RCOR1: variants seen among roughly 807,000 people sequenced by gnomAD.
RCOR1 encodes the protein REST corepressor 1, also known as REST corepressor.
RCOR1 carries 12 observed loss-of-function variants against 64.0 expected under a neutral mutation model. The ratio of observed to expected loss-of-function variants is 0.19; its 90% CI spans 0.12 to 0.30. The LOEUF is 0.30. RCOR1 is among the 10% of genes least tolerant of loss of function. RCOR1 has a pLI of 1.00. For missense variants in RCOR1, 502 were observed against 621.2 expected (o/e 0.81, Z 2.04); for synonymous variants, 279 against 227.2 (o/e 1.23, Z -2.05).
At chr14:102,628,744 G>T (rs946642722) in intron 2 of RCOR1, among the ~76,000 whole-genome samples, 1 of 152,152 alleles carries the variant, frequency 6.6e-6, no homozygotes, top group Non-Finnish European at 1.5e-5. Flanking sequence ...AGTAGAGACG[G>T]TGTTCCACCA....
chr14:102,596,834 G>A (rs997396579), intron 2 of RCOR1, among the ~76,000 whole-genome samples: 3 of 149,942 alleles, frequency 2.0e-5, no homozygotes, highest in African/African-American at 7.4e-5. Flanking sequence ...CAAAGTGCTG[G>A]GATTACAGGC....
chr14:102,608,432 T>A (rs1461313580), intron 2 of RCOR1, among the ~76,000 whole-genome samples: 3 of 152,048 alleles, frequency 2.0e-5, no homozygotes, highest in Non-Finnish European at 4.4e-5. Flanking sequence ...TTTTTTTTGT[T>A]TTGCCTTGTT....
chr14:102,623,756 C>T (rs1020799834), intron 2 of RCOR1, among the ~76,000 whole-genome samples: 1 of 151,214 alleles, frequency 6.6e-6, no homozygotes, highest in African/African-American at 2.4e-5. Context: ...CTCAAGAAGG[C>T]TTAAGAATCC....
chr14:102,698,410 A>G (rs1220143983), intron 3 of RCOR1, among the ~76,000 whole-genome samples: 1 of 152,216 alleles, frequency 6.6e-6, no homozygotes, highest in Non-Finnish European at 1.5e-5. Context: ...CAGCCTGTGC[A>G]TGTGTTTGCT....
rs184112684 is a variant in RCOR1 at position 102,653,582 on chromosome 14, T to A, written c.362-28313T>A. ...AATCTGTGTCCCCAGCCAAATCTTG[T>A]GTCGAATTGTCATCCCCAGTGTTGG... On this transcript the variant is annotated intron_variant, in intron 2 of 11. Coordinates refer to ENST00000262241, the MANE Select transcript of RCOR1 (RefSeq NM_015156.4). 2.6e-3 allele frequency among the ~76,000 whole-genome samples: 403 copies of A among 152,270 alleles called. 3 individuals are homozygous for A. The highest frequency in any genetic ancestry group is 9.4e-3 in the African/African-American group (389 of 41,560).
At chr14:102,655,532 C>G (rs915919259) in intron 2 of RCOR1, 1 of 960,172 alleles carries the variant, frequency 1.0e-6, no homozygotes, top group Non-Finnish European at 1.2e-6. Flanking sequence ...ATTAATAGTT[C>G]AGAAAGTTGC....
At chr14:102,615,781 T>C (rs994712962) in intron 2 of RCOR1, among the ~76,000 whole-genome samples, 1 of 152,188 alleles carries the variant, frequency 6.6e-6, no homozygotes, top group Non-Finnish European at 1.5e-5. Flanking sequence ...GTTTCATTGC[T>C]ATTAAACAAG....
chr14:102,624,118 C>A (rs1893931185), intron 2 of RCOR1, among the ~76,000 whole-genome samples: 1 of 151,954 alleles, frequency 6.6e-6, no homozygotes, highest in Non-Finnish European at 1.5e-5. Flanking sequence ...ATGACATGAA[C>A]CTGGGAGGCG....
chr14:102,708,048 C>T (rs1595240400), intron 5 of RCOR1, among the ~76,000 whole-genome samples: 1 of 151,350 alleles, frequency 6.6e-6, no homozygotes, highest in South Asian at 2.1e-4. Context: ...TCACTGAAAG[C>T]TCCGCCTCCC....
chr14:102,658,794 T>A, intron 2 of RCOR1: 1 of 288,180 alleles, frequency 3.5e-6, no homozygotes, highest in Non-Finnish European at 5.2e-6. Flanking sequence ...CATTTAATTA[T>A]GATGTCTCCC....
chr14:102,651,009 G>T (rs1474138810), intron 2 of RCOR1: 1 of 911,264 alleles, frequency 1.1e-6, no homozygotes, highest in East Asian at 1.2e-4. Flanking sequence ...TAATGAGAAT[G>T]TTCTCATTTA....
intron 3 of RCOR1, among the ~76,000 whole-genome samples, chr14:102,684,695 C>T (rs377057465): frequency 4.0e-5 from 6 of 150,774 alleles, no homozygotes; most frequent in African/African-American, 9.7e-5. Context: ...AGGTGATAAT[C>T]GTTAAACATT....
chr14:102,694,929 A>G (rs1895614437), intron 3 of RCOR1, among the ~76,000 whole-genome samples: 1 of 152,254 alleles, frequency 6.6e-6, no homozygotes, highest in East Asian at 1.9e-4. Flanking sequence ...ACCTAATCCT[A>G]CAGCAAGAGT....
chr14:102,683,672 G>T (rs867020037), intron 3 of RCOR1, among the ~76,000 whole-genome samples: 1 of 152,228 alleles, frequency 6.6e-6, no homozygotes, highest in African/African-American at 2.4e-5. Context: ...CTGATGTTCC[G>T]TGCGCGAATG....
chr14:102,679,070 G>A (rs140096090), intron 2 of RCOR1, among the ~76,000 whole-genome samples: 134 of 152,282 alleles, frequency 8.8e-4, no homozygotes, highest in African/African-American at 3.2e-3. Context: ...CTTACAGTCC[G>A]TAGTGTATCT....
chr14:102,656,660 G>A (rs1436287340), intron 2 of RCOR1, among the ~76,000 whole-genome samples: 2 of 151,904 alleles, frequency 1.3e-5, no homozygotes, highest in East Asian at 1.9e-4. Flanking sequence ...GTAGAGATGG[G>A]GTTTTACCAT....
rs562783997 is a variant in RCOR1 at position 102,710,997 on chromosome 14, A to G, written c.842A>G (p.Lys281Arg). 6.2e-7 allele frequency: 1 copy of G among 1,605,384 alleles called. No individual in the cohort carries two copies. ...NPIDIEVDQN[K>R]ESKKEVPPTE... ...ATTGACATTGAGGTTGATCAAAACA[A>G]GGAAAGCAAAAAGGAGGTATTTTTT... Residue 281 changes from lysine to arginine, a missense_variant, in exon 7 of 12, where the codon AAG becomes AGG. Physicochemically the swap from Lys to Arg is conservative, Grantham distance 26. This residue lies in a region of RCOR1 where 260 missense variants were observed against 416.4 expected (regional missense o/e 0.62). Transcript: ENST00000262241.
intron 2 of RCOR1, among the ~76,000 whole-genome samples, chr14:102,601,929 C>T (rs150382035): frequency 0.01 from 1,546 of 152,140 alleles, 28 homozygotes; most frequent in African/African-American, 0.033. Context: ...GAGGGTGAGG[C>T]GGGAGGATCA....
At chr14:102,599,819 T>C (rs908439985) in intron 2 of RCOR1, among the ~76,000 whole-genome samples, 1 of 151,732 alleles carries the variant, frequency 6.6e-6, no homozygotes, top group African/African-American at 2.4e-5. Context: ...TTTTTTTTTT[T>C]TGAAACAAGG....
Sources: gnomAD v4.1 joint callset for allele counts (sites outside exome capture counted in the v4.1 genomes callset) on GRCh38, gnomAD v4.1.1 for gene constraint, gnomAD v4.1.1 regional missense constraint, MANE v1.5 for transcripts, NCBI Gene and HGNC (gene_info 2026-07-23, HGNC 2026-07-21) for gene names.